MTMR2: variants seen among roughly 807,000 people sequenced by gnomAD.
MTMR2 encodes phosphatidylinositol-3,5-bisphosphate 3-phosphatase MTMR2.
In MTMR2, 55 loss-of-function variants were observed where a neutral mutation model predicts 86.9. That is an observed-to-expected ratio of 0.63 (90% CI 0.51 to 0.79). The LOEUF (loss-of-function observed/expected upper bound fraction) is 0.79. Among genes scored for constraint, MTMR2 ranks in the 30% least tolerant of loss-of-function variants. MTMR2 has a pLI of 0.00. For synonymous variants in MTMR2, 241 were observed against 266.8 expected (o/e 0.90, Z 0.94); for missense variants, 659 against 772.3 (o/e 0.85, Z 1.74).
In MTMR2 at chr11:95,836,258, G is replaced by A. The variant is rs2135402057; in HGVS notation, c.1660C>T (p.Pro554Ser). 6.2e-7 allele frequency: 1 copy of A among 1,612,970 alleles called. No homozygotes were observed. The highest frequency in any genetic ancestry group is 8.5e-7 in the Non-Finnish European group (1 of 1,179,186). ...INSQLEDFTN[P>S]LYGSYSNHVL... is the part of the protein sequence containing the mutation. ...TGATTGGAATAGCTCCCATAGAGAG[G>A]ATTAGTGAAGTCTTCCAGCTGGCTG... Residue 554 changes from proline (P) to serine (S), a missense_variant, in exon 14 of 15, where the codon CCT becomes TCT. Coordinates refer to ENST00000346299, the MANE Select transcript of MTMR2 (RefSeq NM_016156.6).
In MTMR2 at chr11:95,924,068, C is replaced by T; in HGVS notation, c.-114G>A. ...GGCCGCAGTCAGGCCAGCGCCGGCC[C>T]GGGAGGGAGACCGGAAGCGGCCATG... On this transcript the variant is annotated 5_prime_UTR_variant, in exon 1 of 15. Transcript: ENST00000346299. The T allele has an allele frequency of 1.5e-6, 2 of 1,369,806 alleles. No individual in the cohort carries two copies. The highest frequency in any genetic ancestry group is 2.5e-5 in the South Asian group (2 of 80,216). The allele number at this position is 1,369,806 out of a possible 1,614,324, so 84.9% of individuals were successfully genotyped here. A position where few individuals can be genotyped will look rare whatever the true frequency, so the allele number is the denominator to read the frequency against.
intron 2 of MTMR2, among the ~76,000 whole-genome samples, chr11:95,870,737 C>T (rs1254813): frequency 0.54 from 67,361 of 124,508 alleles, 18,461 homozygotes; most frequent in African/African-American, 0.79. Context: ...TTTTCTTTTT[C>T]TTTTTTTTTT....
intron 10 of MTMR2, among the ~76,000 whole-genome samples, chr11:95,846,169 C>T (rs1005344315): frequency 5.3e-5 from 8 of 152,120 alleles, no homozygotes; most frequent in African/African-American, 1.9e-4. Flanking sequence ...AAATAAATTC[C>T]ACCTATAATT....
chr11:95,912,975 C>A (rs1347821149), intron 1 of MTMR2: 1 of 152,044 alleles, frequency 6.6e-6, no homozygotes, highest in Non-Finnish European at 1.5e-5. Context: ...TCCTCATTTT[C>A]GTAAGCATGA....
chr11:95,855,467 G>T (rs189074795), intron 7 of MTMR2, among the ~76,000 whole-genome samples: 190 of 151,814 alleles, frequency 1.3e-3, no homozygotes, highest in African/African-American at 4.2e-3. Flanking sequence ...GCCCACGCTG[G>T]TCTCAAACTC....
At chr11:95,844,310 CA>C (rs1863677388) in intron 11 of MTMR2, among the ~76,000 whole-genome samples, 1 of 152,126 alleles carries the variant, frequency 6.6e-6, no homozygotes, top group Non-Finnish European at 1.5e-5. Context: ...AGTTCAAGTT[CA>C]AAAGAGCAGA....
intron 3 of MTMR2, among the ~76,000 whole-genome samples, chr11:95,864,505 A>G (rs1019900690): frequency 6.6e-6 from 1 of 152,160 alleles, no homozygotes; most frequent in Admixed American, 6.6e-5. Context: ...TTCCTTCCTC[A>G]CCTATAAAAT....
At chr11:95,853,225 T>C (rs1864091005) in intron 7 of MTMR2, among the ~76,000 whole-genome samples, 1 of 151,536 alleles carries the variant, frequency 6.6e-6, no homozygotes, top group African/African-American at 2.4e-5. Context: ...AGAAACCTGG[T>C]TATCATCTTT....
intron 1 of MTMR2, among the ~76,000 whole-genome samples, chr11:95,909,289 C>T (rs1340116191): frequency 6.6e-6 from 1 of 152,070 alleles, no homozygotes; most frequent in Non-Finnish European, 1.5e-5. Context: ...GCACTCTTCA[C>T]TTATTTTTTT....
chr11:95,862,218 A>G, intron 4 of MTMR2, 54 bp downstream of exon 4: 4 of 1,555,844 alleles, frequency 2.6e-6, no homozygotes, highest in Non-Finnish European at 3.5e-6. Context: ...AATGAACAAA[A>G]CTAGCTACAA....
intron 1 of MTMR2, among the ~76,000 whole-genome samples, chr11:95,894,571 G>A (rs907088732): frequency 2.6e-5 from 4 of 152,112 alleles, no homozygotes; most frequent in Admixed American, 6.6e-5. Context: ...CTTACGTCTC[G>A]TGGATGGCAT....
At chr11:95,895,915 C>G (rs151112774) in intron 1 of MTMR2, among the ~76,000 whole-genome samples, 3 of 152,112 alleles carry the variant, frequency 2.0e-5, no homozygotes, top group Non-Finnish European at 4.4e-5. Flanking sequence ...GTGGAAACAA[C>G]CCATGTCATT....
chr11:95,870,445 G>C (rs925566629), intron 2 of MTMR2, among the ~76,000 whole-genome samples: 3 of 152,054 alleles, frequency 2.0e-5, no homozygotes, highest in Admixed American at 6.6e-5. Flanking sequence ...GATAATCTAC[G>C]AAAGAAATAG....
chr11:95,870,655 G>A (rs1864823898), intron 2 of MTMR2, among the ~76,000 whole-genome samples: 1 of 150,818 alleles, frequency 6.6e-6, no homozygotes, highest in Non-Finnish European at 1.5e-5. Flanking sequence ...AATAAATGAA[G>A]TGAGGTCAAA....
In MTMR2 at chr11:95,834,910, T is replaced by G. The variant is rs2135397462; in HGVS notation, c.*380A>C. On this transcript the variant is annotated 3_prime_UTR_variant, in exon 15 of 15. Coordinates refer to ENST00000346299, the MANE Select transcript of MTMR2 (RefSeq NM_016156.6). ...ATGCCACAGAATTTCAGTGTTGGTT[T>G]GAAAACTGATGTTCCTCTGCACAGT... 4.1e-6 allele frequency: 1 copy of G among 243,544 alleles called. No individual in the cohort carries two copies. The highest frequency in any genetic ancestry group is 9.3e-5 in the East Asian group (1 of 10,722). The allele number at this position is 243,544 out of a possible 1,614,324, so 15.1% of individuals were successfully genotyped here.
chr11:95,848,010 A>G, intron 9 of MTMR2, 111 bp from the exon 10 acceptor site: 21 of 1,063,574 alleles, frequency 2.0e-5, no homozygotes, highest in Non-Finnish European at 3.0e-5. Flanking sequence ...GAGACAAGGA[A>G]AACTCCACAG....
intron 12 of MTMR2, among the ~76,000 whole-genome samples, chr11:95,838,837 G>C (rs1433536889): frequency 6.6e-6 from 1 of 151,926 alleles, no homozygotes; most frequent in African/African-American, 2.4e-5. Flanking sequence ...GGGCTTGACT[G>C]GATGTCTTAG....
intron 1 of MTMR2, among the ~76,000 whole-genome samples, chr11:95,913,558 A>C (rs189803818): frequency 1.3e-5 from 2 of 152,182 alleles, no homozygotes; most frequent in African/African-American, 2.4e-5. Context: ...CCAAGTTCAC[A>C]GTTGACTGAA....
chr11:95,920,279 T>G (rs1315200700), intron 1 of MTMR2, among the ~76,000 whole-genome samples: 2 of 152,174 alleles, frequency 1.3e-5, no homozygotes, highest in Non-Finnish European at 2.9e-5. Context: ...ATGGCAATAT[T>G]AAGCAGGACT....
Sources: allele counts gnomAD v4.1 joint callset (sites outside exome capture counted in the v4.1 genomes callset), GRCh38; gene constraint gnomAD v4.1.1; transcripts MANE v1.5; gene names NCBI Gene and HGNC (gene_info 2026-07-23, HGNC 2026-07-21).